OTUD7A: variants seen among roughly 807,000 people sequenced by gnomAD.
The protein encoded by OTUD7A is OTU domain-containing protein 7A.
Under a neutral mutation model 65.7 loss-of-function variants are expected in OTUD7A, and 12 were observed. The ratio of observed to expected loss-of-function variants is 0.18; its 90% CI spans 0.12 to 0.30. OTUD7A has a LOEUF of 0.30. Among genes scored for constraint, OTUD7A ranks in the 10% least tolerant of loss-of-function variants. The pLI is 1.00. For missense variants in OTUD7A, 1,148 were observed against 1,304.8 expected, an observed-to-expected ratio of 0.88 and a Z score of 1.85; for synonymous variants, 641 against 586.3, an observed-to-expected ratio of 1.09 and a Z score of -1.35.
At chr15:31,542,682 C>G (rs879891602) in intron 5 of OTUD7A, among the ~76,000 whole-genome samples, 1 of 151,776 alleles carries the variant, frequency 6.6e-6, no homozygotes, top group Non-Finnish European at 1.5e-5. Flanking sequence ...TCTTCCTTAA[C>G]ATATCCTAGT....
intron 1 of OTUD7A, among the ~76,000 whole-genome samples, chr15:31,754,286 G>A (rs1038744171): frequency 2.6e-5 from 4 of 152,018 alleles, no homozygotes. Context: ...AGATTGTGAA[G>A]ATTTTCTCCC....
chr15:31,493,149 GA>G (rs34577664), intron 10 of OTUD7A, among the ~76,000 whole-genome samples: 38,015 of 135,960 alleles, frequency 0.28, 5,102 homozygotes, highest in East Asian at 0.47. Flanking sequence ...GAGGTTGTAG[GA>G]AAAAAAAAAA....
chr15:31,598,932 C>T (rs941387067), intron 3 of OTUD7A, among the ~76,000 whole-genome samples: 10 of 152,032 alleles, frequency 6.6e-5, no homozygotes, highest in East Asian at 1.9e-4. Context: ...TCAGCAAGGC[C>T]GCCGTGGCCA....
At chr15:31,661,145 CTTA>C (rs1286323662) in intron 1 of OTUD7A, among the ~76,000 whole-genome samples, 1 of 152,200 alleles carries the variant, frequency 6.6e-6, no homozygotes, top group East Asian at 1.9e-4. Context: ...TTGACACTCA[CTTA>C]TTATACTTTT....
chr15:31,600,352 G>A (rs531674510), intron 3 of OTUD7A, among the ~76,000 whole-genome samples: 1 of 152,084 alleles, frequency 6.6e-6, no homozygotes, highest in African/African-American at 2.4e-5. Context: ...TTCATATCCA[G>A]CCCAACTAAG....
chr15:31,642,434 C>A (rs1345507528), intron 3 of OTUD7A, among the ~76,000 whole-genome samples: 1 of 152,088 alleles, frequency 6.6e-6, no homozygotes, highest in Non-Finnish European at 1.5e-5. Context: ...GAAGTATAAC[C>A]CCTTTTCAAT....
At chr15:31,789,577 C>T (rs1056624640) in intron 1 of OTUD7A, among the ~76,000 whole-genome samples, 1 of 152,172 alleles carries the variant, frequency 6.6e-6, no homozygotes, top group South Asian at 2.1e-4. Flanking sequence ...ACAGTCTGGG[C>T]ATCTTCACTC....
intron 1 of OTUD7A, among the ~76,000 whole-genome samples, chr15:31,752,154 A>G (rs1428637620): frequency 6.6e-6 from 1 of 152,204 alleles, no homozygotes; most frequent in African/African-American, 2.4e-5. Flanking sequence ...GATTCAATGT[A>G]TATGTTGAAT....
chr15:31,825,916 C>T lies in OTUD7A; in HGVS notation c.-100+44591G>A, dbSNP rs538097783. Among the ~76,000 whole-genome samples the T allele has an allele frequency of 3.9e-5, 6 of 152,316 alleles. No individual in the cohort carries two copies. The South Asian group carries it at 1.2e-3, about 32-fold the overall frequency. ...AAAATGATCTCCTTTGACTCCATGTCTCAAATCCAGGTTATGATGATGCTA... is the reference window on the plus strand; with the variant it reads ...AAAATGATCTCCTTTGACTCCATGTTTCAAATCCAGGTTATGATGATGCTA... On this transcript the variant is annotated intron_variant, in intron 1 of 12. Transcript: ENST00000307050.
intron 10 of OTUD7A, among the ~76,000 whole-genome samples, chr15:31,500,026 G>T (rs941182440): frequency 9.2e-5 from 14 of 152,222 alleles, no homozygotes; most frequent in African/African-American, 3.1e-4. Context: ...GCGAGGAGGG[G>T]GTCGGGTATC....
chr15:31,715,380 G>A (rs2654042), intron 1 of OTUD7A, among the ~76,000 whole-genome samples: 2 of 144,506 alleles, frequency 1.4e-5, no homozygotes, highest in African/African-American at 5.1e-5. Context: ...TGTGCCCTGG[G>A]ACTGACTTCA....
At chr15:31,575,419 A>G (rs1889175268) in intron 3 of OTUD7A, among the ~76,000 whole-genome samples, 1 of 152,248 alleles carries the variant, frequency 6.6e-6, no homozygotes, top group South Asian at 2.1e-4. Flanking sequence ...CAGAAACTTT[A>G]TAAAGTGGAA....
chr15:31,765,769 G>C lies in OTUD7A; in HGVS notation c.-100+104738C>G, dbSNP rs189078208. ...TAGTATCTTAGACTACAGAACTTTG[G>C]TTTTCTTAAAATCAGCATTGGTTGC... On this transcript the variant is annotated intron_variant, in intron 1 of 12. Transcript: ENST00000307050. 21 of 1,334,438 alleles carry C rather than the reference G, an allele frequency of 1.6e-5. No individual in the cohort carries two copies. In the Admixed American group the frequency reaches 3.0e-4, roughly 19 times the overall value. 82.7% of individuals were successfully genotyped at this position (1,334,438 alleles called of 1,614,324 possible).
At chr15:31,523,312 G>A (rs1242249466) in intron 8 of OTUD7A, among the ~76,000 whole-genome samples, 1 of 152,250 alleles carries the variant, frequency 6.6e-6, no homozygotes, top group East Asian at 1.9e-4. Flanking sequence ...GGGTGGCAAA[G>A]TCTTTCTTGC....
chr15:31,658,986 C>T (rs138367462), intron 1 of OTUD7A, among the ~76,000 whole-genome samples: 71 of 149,850 alleles, frequency 4.7e-4, no homozygotes, highest in African/African-American at 1.6e-3. Flanking sequence ...GAGCTGAGAT[C>T]GCGCCATTGC....
chr15:31,680,958 C>A lies in OTUD7A; in HGVS notation c.-99-23881G>T, dbSNP rs1032462907. On this transcript the variant is annotated intron_variant, in intron 1 of 12. Coordinates refer to ENST00000307050, the MANE Select transcript of OTUD7A (RefSeq NM_001382637.1). Reference sequence around the variant, plus strand: ...CCCCATCAATACATGCGGAAGATACCATATCTTTCTTAGAAATTTGTTAAG... The same window carrying A: ...CCCCATCAATACATGCGGAAGATACAATATCTTTCTTAGAAATTTGTTAAG... Among the ~76,000 whole-genome samples, 7 of 149,820 alleles carry A rather than the reference C, an allele frequency of 4.7e-5. 1 individual carries two copies. Among genetic ancestry groups the A allele is most frequent in the African/African-American group, 1.8e-4 (7 of 39,146 alleles).
intron 1 of OTUD7A, among the ~76,000 whole-genome samples, chr15:31,849,068 G>A (rs1302051143): frequency 6.6e-6 from 1 of 152,202 alleles, no homozygotes; most frequent in African/African-American, 2.4e-5. Context: ...TAGAGCTTCT[G>A]CTGAGAGATC....
At chr15:31,612,579 CCTAA>C (rs1406060427) in intron 3 of OTUD7A, among the ~76,000 whole-genome samples, 1 of 151,980 alleles carries the variant, frequency 6.6e-6, no homozygotes, top group Non-Finnish European at 1.5e-5. Context: ...TAGGAATATA[CCTAA>C]CTGAGGAGGA....
At chr15:31,767,085 C>A in intron 1 of OTUD7A, 1 of 1,570,720 alleles carries the variant, frequency 6.4e-7, no homozygotes, top group Non-Finnish European at 8.7e-7. Flanking sequence ...GATTGCTTAT[C>A]TGTAGTCTCT....
Sources: gnomAD v4.1 joint callset for allele counts (sites outside exome capture counted in the v4.1 genomes callset) on GRCh38, gnomAD v4.1.1 for gene constraint, MANE v1.5 for transcripts, NCBI Gene and HGNC (gene_info 2026-07-23, HGNC 2026-07-21) for gene names.